The following SRGAP2 variants were observed in gnomAD, a reference collection of about 807,000 sequenced individuals.
SRGAP2 encodes SLIT-ROBO Rho GTPase activating protein 2.
SRGAP2 carries 15 observed loss-of-function variants against 57.2 expected under a neutral mutation model. The observed-to-expected ratio is 0.26, with a 90% CI of 0.18 to 0.40. The LOEUF (loss-of-function observed/expected upper bound fraction) is 0.40. SRGAP2 is among the 10% of genes least tolerant of loss of function. The pLI, the probability that SRGAP2 is intolerant of heterozygous loss-of-function variation, is 1.00. For synonymous variants in SRGAP2, 249 were observed against 248.0 expected (o/e 1.00, Z -0.04); for missense variants, 520 against 669.6 (o/e 0.78, Z 2.47).
At chr1:206,459,220 A>C (rs1553379685) in intron 22 of SRGAP2, among the ~76,000 whole-genome samples, 1 of 152,166 alleles carries the variant, frequency 6.6e-6, no homozygotes, top group Non-Finnish European at 1.5e-5. Flanking sequence ...GTAATTTTTA[A>C]AGCCGGTATT....
At chr1:206,418,714 T>G (rs782713370) in intron 11 of SRGAP2, among the ~76,000 whole-genome samples, 1 of 152,204 alleles carries the variant, frequency 6.6e-6, no homozygotes, top group East Asian at 1.9e-4. Flanking sequence ...AGGCCCACTG[T>G]TAGATTGAGA....
chr1:206,255,886 G>A (rs1669152463), intron 2 of SRGAP2, among the ~76,000 whole-genome samples: 1 of 150,960 alleles, frequency 6.6e-6, no homozygotes, highest in Admixed American at 6.6e-5. Context: ...GAGGAGCTGG[G>A]CTCAAGCGAA....
chr1:206,438,069 A>G lies in SRGAP2; in HGVS notation c.1739A>G (p.Asp580Gly). The change falls in exon 16 of 23, where the codon GAC (aspartate) becomes GGC (glycine). Residue 580 changes from aspartate to glycine, a missense_variant. Asp to Gly is a moderately conservative substitution (Grantham distance 94). Around this residue, in one of 5 missense-constraint regions of SRGAP2, gnomAD observed 478 missense variants for 373.6 expected, o/e 1.28. Coordinates refer to ENST00000573034, the MANE Select transcript of SRGAP2 (RefSeq NM_015326.5). ...RGLEHPLFPK[D>G]IFHDLMACVT... is the part of the protein sequence containing the mutation. Reference sequence around the variant, plus strand: ...CTGGAACACCCTCTCTTCCCCAAGGACATCTTTCATGACCTGATGGCCTGC... The same window carrying G: ...CTGGAACACCCTCTCTTCCCCAAGGGCATCTTTCATGACCTGATGGCCTGC... 1 of 780,830 alleles carries G rather than the reference A, an allele frequency of 1.3e-6. No homozygotes were observed. Among genetic ancestry groups the G allele is most frequent in the East Asian group, 2.4e-5 (1 of 41,244 alleles). The allele number at this position is 780,830 out of a possible 1,614,324, so 48.4% of individuals were successfully genotyped here. A position where few individuals can be genotyped will look rare whatever the true frequency, so the allele number is the denominator to read the frequency against.
Position 206,458,850 on chromosome 1 carries a change from A to T in SRGAP2, c.2735A>T (p.Asn912Ile). 1.3e-6 allele frequency: 1 copy of T among 780,732 alleles called. No homozygotes were observed. The highest frequency in any genetic ancestry group is 2.4e-6 in the Non-Finnish European group (1 of 417,924). The allele number at this position is 780,732 out of a possible 1,614,324, so 48.4% of individuals were successfully genotyped here. A position where few individuals can be genotyped will look rare whatever the true frequency, so the allele number is the denominator to read the frequency against. Residue 912 changes from asparagine to isoleucine, a missense_variant, in exon 22 of 23, where the codon AAT (asparagine) becomes ATT (isoleucine). By Grantham distance (149) the Asn-to-Ile change is moderately radical (BLOSUM62 -3). This residue lies in a region of SRGAP2 where 478 missense variants were observed against 373.6 expected (regional missense o/e 1.28). Coordinates refer to ENST00000573034, the MANE Select transcript of SRGAP2 (RefSeq NM_015326.5). Reference protein sequence around the residue: ...NSISRHSSLKNRLDSPQIRKT... With the variant: ...NSISRHSSLKIRLDSPQIRKT... ...ATCAGCCGCCACTCATCCCTGAAGA[A>T]TCGGCTGGATAGTCCACAGATCCGG... is the stretch of plus-strand genomic sequence containing the variant.
chr1:206,417,339 G>A (rs532762196), intron 11 of SRGAP2, among the ~76,000 whole-genome samples: 1 of 151,222 alleles, frequency 6.6e-6, no homozygotes, highest in African/African-American at 2.4e-5. Context: ...CCTGACCTCA[G>A]GTGATCCACC....
intron 13 of SRGAP2, among the ~76,000 whole-genome samples, chr1:206,427,480 G>C (rs1349363350): frequency 6.6e-6 from 1 of 152,124 alleles, no homozygotes; most frequent in East Asian, 1.9e-4. Context: ...CTCCAACTTG[G>C]CACATACAGT....
At chr1:206,319,944 G>T (rs1213872365) in intron 3 of SRGAP2, among the ~76,000 whole-genome samples, 1 of 149,990 alleles carries the variant, frequency 6.7e-6, no homozygotes. Flanking sequence ...AAGTACCTGG[G>T]ATTACAGGTG....
At position 206,419,507 on chromosome 1, in the gene SRGAP2, C is replaced by G. The variant is rs116718173; in HGVS notation, c.1469+107C>G. Reference sequence around the variant, plus strand: ...GTTGAGTTGTAAAGGCATTGAATGACTTTACAAAGCAATGGCCTGGGGCGG... The same window carrying G: ...GTTGAGTTGTAAAGGCATTGAATGAGTTTACAAAGCAATGGCCTGGGGCGG... On this transcript the variant is annotated intron_variant, in intron 12 of 22. Transcript: ENST00000573034. The G allele has an allele frequency of 2.3e-3, 1,747 of 751,352 alleles. 20 individuals are homozygous for G. The African/African-American group carries it at 0.027, about 12-fold the overall frequency. 46.5% of individuals were successfully genotyped at this position (751,352 alleles called of 1,614,324 possible).
chr1:206,420,672 G>T lies in SRGAP2; in HGVS notation c.1470-578G>T, dbSNP rs576125085. 7.6e-4 allele frequency among the ~76,000 whole-genome samples: 115 copies of T among 152,272 alleles called. 2 individuals are homozygous for T. In the Middle Eastern group the frequency reaches 0.01, roughly 14 times the overall value. On this transcript the variant is annotated intron_variant, in intron 12 of 22. Coordinates refer to ENST00000573034, the MANE Select transcript of SRGAP2 (RefSeq NM_015326.5). ...CAGCCCTGGCCTCCTTGGTTTGGGT[G>T]TTATGCCTCTGAGTCAGATTCCCTT...
intron 19 of SRGAP2, among the ~76,000 whole-genome samples, chr1:206,451,308 G>A (rs139287772): frequency 2.6e-5 from 4 of 152,114 alleles, no homozygotes; most frequent in East Asian, 1.9e-4. Flanking sequence ...CGTGGTGGGC[G>A]TGCATCAAGG....
intron 4 of SRGAP2, among the ~76,000 whole-genome samples, chr1:206,372,968 T>TCTGTC (rs1654766237): frequency 5.8e-5 from 1 of 17,270 alleles, no homozygotes; most frequent in African/African-American, 2.5e-4. Context: ...TTCTTTCCTT[T>TCTGTC]CTTTCTTTCT....
intron 13 of SRGAP2, 59 bp from the exon 14 acceptor site, chr1:206,430,103 T>C (rs1553367814): frequency 2.6e-6 from 2 of 778,800 alleles, no homozygotes; most frequent in East Asian, 4.9e-5. Context: ...CCGTTTTCTC[T>C]GACCCTGGGC....
chr1:206,458,983 A>G (rs1664055848), intron 22 of SRGAP2, 36 bp downstream of exon 22: 1 of 700,212 alleles, frequency 1.4e-6, no homozygotes, highest in Non-Finnish European at 2.7e-6. Flanking sequence ...GCATGAGTCT[A>G]CATTCATCAC....
intron 22 of SRGAP2, 106 bp downstream of exon 22, chr1:206,459,053 A>T: frequency 1.6e-6 from 1 of 631,718 alleles, no homozygotes; most frequent in Non-Finnish European, 2.9e-6. Flanking sequence ...ATTATTTTGT[A>T]TGTGATATAC....
intron 3 of SRGAP2, among the ~76,000 whole-genome samples, chr1:206,309,279 G>A (rs1426274250): frequency 2.0e-5 from 3 of 151,490 alleles, no homozygotes; most frequent in African/African-American, 7.3e-5. Flanking sequence ...CAAGAGCAGT[G>A]GAAAATAAGG....
At chr1:206,332,602 A>G (rs201280501) in intron 3 of SRGAP2, among the ~76,000 whole-genome samples, 5,900 of 128,056 alleles carry the variant, frequency 0.046, 259 homozygotes, top group African/African-American at 0.15. Flanking sequence ...TGATCGCATC[A>G]GCTCCTGAGG....
chr1:206,272,791 C>G (rs1670198296), intron 2 of SRGAP2, among the ~76,000 whole-genome samples: 1 of 152,180 alleles, frequency 6.6e-6, no homozygotes, highest in South Asian at 2.1e-4. Flanking sequence ...TTTTCTTTTC[C>G]TCTTTTTAAA....
chr1:206,414,946 T>C (rs1198592571), intron 10 of SRGAP2, among the ~76,000 whole-genome samples: 2 of 152,214 alleles, frequency 1.3e-5, no homozygotes, highest in African/African-American at 4.8e-5. Context: ...TGTACCATGA[T>C]GGATGGGGCA....
chr1:206,452,885 CAAA>C (rs1166978056), intron 19 of SRGAP2, among the ~76,000 whole-genome samples: 11 of 62,116 alleles, frequency 1.8e-4, no homozygotes, highest in African/African-American at 5.8e-4. Flanking sequence ...GACTCCATCC[CAAA>C]AAAAAAAAAA....
Sources: allele counts gnomAD v4.1 joint callset (sites outside exome capture counted in the v4.1 genomes callset), GRCh38; gene constraint gnomAD v4.1.1; regional missense constraint gnomAD v4.1.1; transcripts MANE v1.5; gene names NCBI Gene and HGNC (gene_info 2026-07-23, HGNC 2026-07-21).